NRG1: variants seen among roughly 807,000 people sequenced by gnomAD.
NRG1 encodes the protein pro-neuregulin-1, membrane-bound isoform.
Under a neutral mutation model 63.8 loss-of-function variants are expected in NRG1, and 18 were observed. The observed-to-expected ratio is 0.28, with a 90% CI of 0.19 to 0.42. The LOEUF (loss-of-function observed/expected upper bound fraction) is 0.42, where lower values mean the gene tolerates loss of function less well. NRG1 is among the 10% of genes least tolerant of loss of function. The pLI, the probability that NRG1 is intolerant of heterozygous loss-of-function variation, is 1.00. For synonymous variants in NRG1, 302 were observed against 301.3 expected (o/e 1.00, Z -0.02); for missense variants, 762 against 814.7 (o/e 0.94, Z 0.79).
At chr8:31,866,264 G>T (rs1274178368) in intron 1 of NRG1, among the ~76,000 whole-genome samples, 1 of 152,166 alleles carries the variant, frequency 6.6e-6, no homozygotes, top group Non-Finnish European at 1.5e-5. Context: ...ACAGGCAGTT[G>T]AGAGGGGACT....
At position 31,833,795 on chromosome 8, in the gene NRG1, A is replaced by C. The variant is rs141302554; in HGVS notation, c.37+194364A>C. Among the ~76,000 whole-genome samples the C allele has an allele frequency of 1.9e-3, 294 of 152,232 alleles. 5 individuals are homozygous for C. The East Asian group carries it at 0.05, about 26-fold the overall frequency. The stretch of plus-strand genomic sequence containing the variant: ...GTGTAAATATATACAATTTGTGATA[A>C]AATCATCTTGCTCATTCCATAGCAG... On this transcript the variant is annotated intron_variant, in intron 1 of 10. Transcript: ENST00000519301.
rs1160870843 is a variant in NRG1 at position 32,762,211 on chromosome 8, A to G, written c.1260-1537A>G. ...AGGGTTTAAACTGTTTTAAAACTTT[A>G]GTCTTAAATTCATATTTTTTTAATG... On this transcript the variant is annotated intron_variant, in intron 11 of 11. Coordinates refer to ENST00000356819, the Ensembl canonical transcript of NRG1. 2.6e-5 allele frequency among the ~76,000 whole-genome samples: 4 copies of G among 152,216 alleles called. No individual in the cohort carries two copies. In the East Asian group the frequency reaches 7.7e-4, roughly 29 times the overall value.
chr8:32,110,914 A>G (rs1391083036), intron 1 of NRG1, among the ~76,000 whole-genome samples: 1 of 152,182 alleles, frequency 6.6e-6, no homozygotes, highest in Non-Finnish European at 1.5e-5. Context: ...TCGGATTCTT[A>G]CCTCAAGGTG....
chr8:31,718,007 T>C (rs528071400), intron 1 of NRG1, among the ~76,000 whole-genome samples: 1 of 152,330 alleles, frequency 6.6e-6, no homozygotes, highest in East Asian at 1.9e-4. Context: ...TTGGTTAACA[T>C]GTTTGATCTT....
At chr8:32,004,870 TG>T (rs1283705517) in intron 1 of NRG1, among the ~76,000 whole-genome samples, 1 of 151,710 alleles carries the variant, frequency 6.6e-6, no homozygotes, top group African/African-American at 2.4e-5. Flanking sequence ...ATACTTGTCT[TG>T]GGGGCAATAT....
At chr8:32,705,760 T>A (rs1816242118) in intron 5 of NRG1, among the ~76,000 whole-genome samples, 1 of 152,194 alleles carries the variant, frequency 6.6e-6, no homozygotes, top group African/African-American at 2.4e-5. Flanking sequence ...TCAAGTTTAA[T>A]CCTATCCTTG....
At chr8:31,785,343 T>C (rs1371177388) in intron 1 of NRG1, among the ~76,000 whole-genome samples, 2 of 152,078 alleles carry the variant, frequency 1.3e-5, no homozygotes, top group Non-Finnish European at 2.9e-5. Flanking sequence ...ATAATTAGGA[T>C]AGAAAACTGA....
At chr8:32,633,231 T>C (rs1315938220) in intron 5 of NRG1, among the ~76,000 whole-genome samples, 10 of 152,232 alleles carry the variant, frequency 6.6e-5, no homozygotes, top group African/African-American at 2.4e-4. Context: ...TATTTATTTA[T>C]TTTAATCCAT....
At chr8:32,183,367 C>T (rs1841632796) in intron 1 of NRG1, among the ~76,000 whole-genome samples, 1 of 152,214 alleles carries the variant, frequency 6.6e-6, no homozygotes, top group South Asian at 2.1e-4. Context: ...TTCTGTCTTC[C>T]TCTCTTTTTT....
chr8:31,919,531 A>C (rs1446056873), intron 1 of NRG1, among the ~76,000 whole-genome samples: 1 of 152,066 alleles, frequency 6.6e-6, no homozygotes, highest in Non-Finnish European at 1.5e-5. Flanking sequence ...TATTTATAGG[A>C]AATATAGTTT....
At chr8:32,202,131 A>G (rs147668957) in intron 1 of NRG1, among the ~76,000 whole-genome samples, 2 of 152,194 alleles carry the variant, frequency 1.3e-5, no homozygotes, top group East Asian at 3.9e-4. Context: ...TTTTTATTTT[A>G]TTTTTATTTA....
intron 1 of NRG1, among the ~76,000 whole-genome samples, chr8:32,370,964 C>A (rs781709830): frequency 6.6e-6 from 1 of 150,916 alleles, no homozygotes; most frequent in Non-Finnish European, 1.5e-5. Flanking sequence ...GCAATCCTAG[C>A]ACTTTAGGAG....
chr8:32,690,099 T>C (rs1049461616), intron 5 of NRG1, among the ~76,000 whole-genome samples: 1 of 152,200 alleles, frequency 6.6e-6, no homozygotes, highest in Non-Finnish European at 1.5e-5. Flanking sequence ...CTTAGTGTTA[T>C]CTTGAATGAG....
chr8:31,889,876 T>A (rs1831013709), intron 1 of NRG1, among the ~76,000 whole-genome samples: 1 of 151,952 alleles, frequency 6.6e-6, no homozygotes, highest in Non-Finnish European at 1.5e-5. Context: ...CTCGGAGAAG[T>A]GAGCCAGGAA....
At chr8:32,247,660 A>G (rs1324172747) in intron 1 of NRG1, among the ~76,000 whole-genome samples, 2 of 152,094 alleles carry the variant, frequency 1.3e-5, no homozygotes. Flanking sequence ...ATACTTTGCT[A>G]CCTTAACTAA....
intron 1 of NRG1, among the ~76,000 whole-genome samples, chr8:32,186,732 A>G (rs2132151628): frequency 6.6e-6 from 1 of 152,296 alleles, no homozygotes; most frequent in East Asian, 1.9e-4. Flanking sequence ...ATTCAGAGGT[A>G]CAGTAAAGTT....
chr8:31,769,518 C>T (rs1029317775), intron 1 of NRG1, among the ~76,000 whole-genome samples: 3 of 151,988 alleles, frequency 2.0e-5, no homozygotes, highest in Non-Finnish European at 4.4e-5. Context: ...AAGAGGGTGG[C>T]GTTAGGCAGA....
At chr8:31,909,155 A>G (rs1212137193) in intron 1 of NRG1, among the ~76,000 whole-genome samples, 1 of 152,196 alleles carries the variant, frequency 6.6e-6, no homozygotes, top group Non-Finnish European at 1.5e-5. Context: ...AATATCCCAA[A>G]TAAGAATTAT....
At chr8:31,646,094 A>G (rs1430406620) in intron 1 of NRG1, among the ~76,000 whole-genome samples, 1 of 152,200 alleles carries the variant, frequency 6.6e-6, no homozygotes, top group Non-Finnish European at 1.5e-5. Flanking sequence ...CAAGACTGTG[A>G]ATGCAAATGG....
Sources: gnomAD v4.1 joint callset for allele counts (sites outside exome capture counted in the v4.1 genomes callset) on GRCh38, gnomAD v4.1.1 for gene constraint, MANE v1.5 for transcripts, NCBI Gene and HGNC (gene_info 2026-07-23, HGNC 2026-07-21) for gene names.